MGAT4C: variants seen among roughly 807,000 people sequenced by gnomAD.
MGAT4C encodes alpha-1,3-mannosyl-glycoprotein 4-beta-N-acetylglucosaminyltransferase C.
In MGAT4C, 19 loss-of-function variants were observed where a neutral mutation model predicts 40.1. The ratio of observed to expected loss-of-function variants is 0.47; its 90% CI spans 0.33 to 0.70. The LOEUF (loss-of-function observed/expected upper bound fraction) is 0.70. MGAT4C is among the 30% of genes least tolerant of loss of function. MGAT4C has a pLI of 0.02. For synonymous variants in MGAT4C, 181 were observed against 187.1 expected, an observed-to-expected ratio of 0.97 and a Z score of 0.27; for missense variants, 491 against 563.2, an observed-to-expected ratio of 0.87 and a Z score of 1.30.
intron 2 of MGAT4C, among the ~76,000 whole-genome samples, chr12:86,443,656 C>A (rs1028413765): frequency 2.0e-5 from 3 of 152,176 alleles, no homozygotes; most frequent in Non-Finnish European, 2.9e-5. Context: ...TGCAGTGGCA[C>A]GATCTCGGCT....
chr12:86,641,181 A>G (rs1397103521), intron 2 of MGAT4C, among the ~76,000 whole-genome samples: 1 of 151,530 alleles, frequency 6.6e-6, no homozygotes, highest in Non-Finnish European at 1.5e-5. Flanking sequence ...ATGGAATACT[A>G]TGCAGCCATA....
chr12:86,030,391 T>C (rs1397312895), intron 2 of MGAT4C, among the ~76,000 whole-genome samples: 1 of 151,780 alleles, frequency 6.6e-6, no homozygotes, highest in Non-Finnish European at 1.5e-5. Context: ...ATGATGCCTA[T>C]ACTATGGCTT....
intron 3 of MGAT4C, among the ~76,000 whole-genome samples, chr12:86,414,989 G>A (rs888256860): frequency 6.6e-6 from 1 of 152,008 alleles, no homozygotes; most frequent in East Asian, 1.9e-4. Flanking sequence ...ATGATCTATG[G>A]AAAGATGCAT....
intron 2 of MGAT4C, among the ~76,000 whole-genome samples, chr12:86,020,928 G>A (rs1053564296): frequency 6.6e-6 from 1 of 152,158 alleles, no homozygotes. Context: ...GTGGGCAGAG[G>A]ATATGAACAG....
At chr12:86,589,672 C>A (rs1248924883) in intron 2 of MGAT4C, among the ~76,000 whole-genome samples, 1 of 151,890 alleles carries the variant, frequency 6.6e-6, no homozygotes, top group Non-Finnish European at 1.5e-5. Context: ...ACTGGCAAAC[C>A]GAATCCAGCA....
At chr12:86,804,033 T>C (rs1952290897) in intron 1 of MGAT4C, among the ~76,000 whole-genome samples, 5 of 136,512 alleles carry the variant, frequency 3.7e-5, no homozygotes, top group Admixed American at 3.1e-4. Context: ...CCAACAATGA[T>C]AGACTGGATT....
At chr12:86,073,013 C>T (rs1167101207) in intron 1 of MGAT4C, among the ~76,000 whole-genome samples, 1 of 152,178 alleles carries the variant, frequency 6.6e-6, no homozygotes, top group African/African-American at 2.4e-5. Context: ...TATGCTTTGG[C>T]TGTGCCCTCA....
At chr12:86,192,155 A>G (rs1889586579) in intron 1 of MGAT4C, among the ~76,000 whole-genome samples, 1 of 150,980 alleles carries the variant, frequency 6.6e-6, no homozygotes, top group African/African-American at 2.4e-5. Context: ...TGACAAGTTA[A>G]TGGGTGCAGC....
intron 1 of MGAT4C, among the ~76,000 whole-genome samples, chr12:86,173,153 T>C (rs1887028223): frequency 6.6e-6 from 1 of 152,102 alleles, no homozygotes; most frequent in South Asian, 2.1e-4. Context: ...CCGAATAACC[T>C]AACTGGGATT....
intron 2 of MGAT4C, among the ~76,000 whole-genome samples, chr12:86,524,163 TATGTA>T (rs768143525): frequency 1.3e-5 from 2 of 152,156 alleles, no homozygotes; most frequent in Non-Finnish European, 2.9e-5. Flanking sequence ...CCGACTTGTT[TATGTA>T]ATTGTTTTAT....
intron 2 of MGAT4C, among the ~76,000 whole-genome samples, chr12:86,043,915 C>A (rs1056856619): frequency 6.6e-6 from 1 of 152,186 alleles, no homozygotes; most frequent in Admixed American, 6.5e-5. Flanking sequence ...GCTGGGGAAC[C>A]AGCGTGGGTC....
intron 2 of MGAT4C, among the ~76,000 whole-genome samples, chr12:86,463,924 T>C (rs902189695): frequency 6.6e-6 from 1 of 152,208 alleles, no homozygotes; most frequent in Non-Finnish European, 1.5e-5. Flanking sequence ...TTTAAATGAA[T>C]ACATTATAGT....
intron 2 of MGAT4C, among the ~76,000 whole-genome samples, chr12:86,503,686 CAT>C (rs1418215110): frequency 2.3e-5 from 1 of 43,750 alleles, no homozygotes; most frequent in Non-Finnish European, 3.7e-5. Flanking sequence ...GAGTTCTGCT[CAT>C]ATATATATAT....
chr12:86,043,478 A>C (rs758579224), intron 2 of MGAT4C, among the ~76,000 whole-genome samples: 14 of 152,220 alleles, frequency 9.2e-5, no homozygotes, highest in Non-Finnish European at 1.9e-4. Flanking sequence ...AGGTCAGAAG[A>C]CTCAGCCAGT....
At chr12:86,277,747 G>T (rs2136114172) in intron 4 of MGAT4C, among the ~76,000 whole-genome samples, 1 of 152,086 alleles carries the variant, frequency 6.6e-6, no homozygotes, top group South Asian at 2.1e-4. Context: ...CTGTTCCATT[G>T]GTCTATGTGT....
chr12:86,668,550 C>T (rs1964172079), intron 2 of MGAT4C, among the ~76,000 whole-genome samples: 1 of 152,204 alleles, frequency 6.6e-6, no homozygotes, highest in Non-Finnish European at 1.5e-5. Flanking sequence ...AAGAGCAGCA[C>T]ACCATTTTTA....
chr12:86,326,426 G>A (rs556743721), intron 4 of MGAT4C, among the ~76,000 whole-genome samples: 40 of 151,496 alleles, frequency 2.6e-4, no homozygotes, highest in Admixed American at 2.3e-3. Context: ...CAGTGTACAC[G>A]ATTAATTTAT....
In MGAT4C at chr12:85,957,631, T is replaced by C. The variant is rs550338740; in HGVS notation, c.*21658A>G. Reference sequence around the variant, plus strand: ...ATGTCAAATAAAACCACAGATTTTCTTTTACTGTAGAGTTGAATAAGAAAG... The same window carrying C: ...ATGTCAAATAAAACCACAGATTTTCCTTTACTGTAGAGTTGAATAAGAAAG... On this transcript the variant is annotated 3_prime_UTR_variant, in exon 5 of 5. Coordinates refer to ENST00000611864, the MANE Select transcript of MGAT4C (RefSeq NM_001351288.2). 1.9e-4 allele frequency: 27 copies of C among 143,310 alleles called. 2 individuals are homozygous for C. In the South Asian group the frequency reaches 5.0e-3, roughly 27 times the overall value. The allele number at this position is 143,310 out of a possible 1,614,324, so 8.9% of individuals were successfully genotyped here. A position where few individuals can be genotyped will look rare whatever the true frequency, so the allele number is the denominator to read the frequency against.
chr12:86,777,246 C>T (rs1262510267), intron 1 of MGAT4C, among the ~76,000 whole-genome samples: 1 of 151,930 alleles, frequency 6.6e-6, no homozygotes, highest in Non-Finnish European at 1.5e-5. Context: ...GCTATTAAAT[C>T]CAAATACAAG....
Sources: allele counts gnomAD v4.1 joint callset (sites outside exome capture counted in the v4.1 genomes callset), GRCh38; gene constraint gnomAD v4.1.1; transcripts MANE v1.5; gene names NCBI Gene and HGNC (gene_info 2026-07-23, HGNC 2026-07-21).